The following PCYT1B variants were observed in gnomAD, a reference collection of about 807,000 sequenced individuals.
PCYT1B encodes choline-phosphate cytidylyltransferase B.
A neutral mutation model predicts 26.4 loss-of-function variants in PCYT1B; 10 were observed. The observed-to-expected ratio is 0.38, with a 90% confidence interval of 0.23 to 0.64. The LOEUF is 0.64. Among genes scored for constraint, PCYT1B ranks in the 30% least tolerant of loss-of-function variants. The pLI is 0.56. For missense variants in PCYT1B, 161 were observed against 292.7 expected (o/e 0.55, Z 3.28); for synonymous variants, 131 against 108.4 (o/e 1.21, Z -1.29).
At position 24,561,368 on chromosome X, in the gene PCYT1B, C is replaced by G. The variant is rs1188133279; in HGVS notation, c.*925G>C. 8.9e-6 allele frequency: 1 copy of G among 111,949 alleles called. No individual in the cohort carries two copies. Among genetic ancestry groups the G allele is most frequent in the African/African-American group, 3.3e-5 (1 of 30,648 alleles). The allele number at this position is 111,949 out of a possible 1,213,427, so 9.2% of individuals were successfully genotyped here. On this transcript the variant is annotated 3_prime_UTR_variant, in exon 8 of 8. Transcript: ENST00000379144. ...CCCTATTGGTATACTATGTTTGATACCTCAAACTGTTACTTGAGGTCTATG... is the reference window on the plus strand; with the variant it reads ...CCCTATTGGTATACTATGTTTGATAGCTCAAACTGTTACTTGAGGTCTATG...
chrX:24,668,751 T>C (rs1221600860), intron 1 of PCYT1B, among the ~76,000 whole-genome samples: 1 of 109,845 alleles, frequency 9.1e-6, no homozygotes, highest in Non-Finnish European at 1.9e-5. Flanking sequence ...TGATTTCACA[T>C]AGAATTTCAA....
intron 7 of PCYT1B, among the ~76,000 whole-genome samples, chrX:24,572,260 G>A (rs1228067534): frequency 5.9e-5 from 6 of 101,502 alleles, no homozygotes; most frequent in Non-Finnish European, 9.9e-5. Context: ...ATACACACAC[G>A]CGCGCGCACA....
At chrX:24,593,690 C>G (rs1050065407) in intron 3 of PCYT1B, among the ~76,000 whole-genome samples, 1 of 108,684 alleles carries the variant, frequency 9.2e-6, no homozygotes, top group Middle Eastern at 4.7e-3. Context: ...CCACACCTGG[C>G]TAATTTTTGT....
Position 24,607,764 on chromosome X carries a change from G to A in PCYT1B, c.315C>T (p.Asn105=). The A allele has an allele frequency of 1.7e-6, 2 of 1,175,341 alleles. No homozygotes were observed. Among genetic ancestry groups the A allele is most frequent in the Middle Eastern group, 2.3e-4 (1 of 4,264 alleles). ...ALMQAKTLFP[N]SYLLVGVCSD... is the part of the protein sequence containing the mutation. ...TCTTACCTCCTACCAACAAGTAGCT[G>A]TTGGGAAACAGTGTTTTTGCTTGCA... Residue 105 remains asparagine, a synonymous_variant, in exon 3 of 8, where the codon AAC becomes AAT. Transcript: ENST00000379144.
intron 2 of PCYT1B, among the ~76,000 whole-genome samples, chrX:24,618,163 A>C (rs1356118076): frequency 8.9e-6 from 1 of 112,032 alleles, no homozygotes; most frequent in Non-Finnish European, 1.9e-5. Flanking sequence ...CCTCTGGCAT[A>C]ATGCTAAAGG....
intron 1 of PCYT1B, among the ~76,000 whole-genome samples, chrX:24,624,449 G>A (rs771730074): frequency 2.9e-3 from 330 of 112,147 alleles, no homozygotes; most frequent in African/African-American, 0.01. Context: ...CTGTTGTGAG[G>A]ATTAACTAAA....
At chrX:24,565,704 G>A (rs553229995) in intron 7 of PCYT1B, among the ~76,000 whole-genome samples, 88 of 108,380 alleles carry the variant, frequency 8.1e-4, no homozygotes, top group Middle Eastern at 9.4e-3. Context: ...ACCTTTGGGT[G>A]TCAGCATAAA....
At chrX:24,659,898 T>C (rs1926993958) in intron 1 of PCYT1B, among the ~76,000 whole-genome samples, 1 of 111,927 alleles carries the variant, frequency 8.9e-6, no homozygotes, top group Non-Finnish European at 1.9e-5. Context: ...GGGGATTAAG[T>C]TTCTAACACA....
In PCYT1B at chrX:24,571,077, A is replaced by G. The variant is rs139311585; in HGVS notation, c.897+4053T>C. On this transcript the variant is annotated intron_variant, in intron 7 of 7. Coordinates refer to ENST00000379144, the MANE Select transcript of PCYT1B (RefSeq NM_004845.5). ...TGTAGGCCTTTGTCTATATCTATATATTTATCTATAAAATGTACCTTCCTG... is the reference window on the plus strand; with the variant it reads ...TGTAGGCCTTTGTCTATATCTATATGTTTATCTATAAAATGTACCTTCCTG... 3.5e-4 allele frequency among the ~76,000 whole-genome samples: 39 copies of G among 112,341 alleles called. No individual in the cohort carries two copies. In the East Asian group the frequency reaches 9.9e-3, roughly 28 times the overall value.
At chrX:24,645,548 G>A (rs188248853) in intron 1 of PCYT1B, among the ~76,000 whole-genome samples, 1 of 111,132 alleles carries the variant, frequency 9.0e-6, no homozygotes, top group East Asian at 2.8e-4. Flanking sequence ...GTGTATATAT[G>A]TATATGTGCA....
intron 7 of PCYT1B, among the ~76,000 whole-genome samples, chrX:24,565,678 T>C (rs887858963): frequency 4.6e-5 from 5 of 109,804 alleles, no homozygotes; most frequent in Non-Finnish European, 1.9e-5. Context: ...TCTGATCAGA[T>C]CTGTGTTTTA....
chrX:24,646,592 C>T (rs951930495), intron 1 of PCYT1B, among the ~76,000 whole-genome samples: 1 of 111,021 alleles, frequency 9.0e-6, no homozygotes, highest in East Asian at 2.8e-4. Context: ...AGTTGAGGAA[C>T]GAAGCATTCC....
In PCYT1B at chrX:24,559,872, A is replaced by G. The variant is rs963130581; in HGVS notation, c.*2421T>C. 9.0e-6 allele frequency: 1 copy of G among 111,621 alleles called. No individual in the cohort carries two copies. The highest frequency in any genetic ancestry group is 1.9e-5 in the Non-Finnish European group (1 of 53,132). The allele number at this position is 111,621 out of a possible 1,213,427, so 9.2% of individuals were successfully genotyped here. A position where few individuals can be genotyped will look rare whatever the true frequency, so the allele number is the denominator to read the frequency against. On this transcript the variant is annotated 3_prime_UTR_variant, in exon 8 of 8. Coordinates refer to ENST00000379144, the MANE Select transcript of PCYT1B (RefSeq NM_004845.5). ...TGTAGAATCCTTCCCATTCCTTCTC[A>G]GTAGATTTGCAGCCTCAAGAGGGTG...
At chrX:24,567,027 G>T (rs1923653338) in intron 7 of PCYT1B, among the ~76,000 whole-genome samples, 1 of 112,231 alleles carries the variant, frequency 8.9e-6, no homozygotes, top group African/African-American at 3.2e-5. Flanking sequence ...TAAGGATTTG[G>T]TGGTCTATTA....
rs61761927 is a variant in PCYT1B, at chrX:24,581,184, C to T, written c.566-1726G>A. Among the ~76,000 whole-genome samples the T allele has an allele frequency of 6.7e-3, 749 of 112,114 alleles. 8 individuals carry two copies. Among genetic ancestry groups the T allele is most frequent in the African/African-American group, 0.023 (723 of 30,917 alleles). Reference sequence around the variant, plus strand: ...TGCAAGTCAGAGGTCTGCTCAAAACCCTCCACTGGCTTTCTGCTCTTCTCT... The same window carrying T: ...TGCAAGTCAGAGGTCTGCTCAAAACTCTCCACTGGCTTTCTGCTCTTCTCT... On this transcript the variant is annotated intron_variant, in intron 5 of 7. Coordinates refer to ENST00000379144, the MANE Select transcript of PCYT1B (RefSeq NM_004845.5).
intron 1 of PCYT1B, among the ~76,000 whole-genome samples, chrX:24,627,340 T>C (rs982945416): frequency 1.8e-5 from 2 of 111,667 alleles, no homozygotes; most frequent in African/African-American, 6.5e-5. Flanking sequence ...CGTTTCGTTT[T>C]GTTTCGTTTT....
chrX:24,588,112 C>T (rs1216964010), intron 4 of PCYT1B, among the ~76,000 whole-genome samples: 3 of 111,530 alleles, frequency 2.7e-5, no homozygotes, highest in East Asian at 5.6e-4. Context: ...TGGAATAAGC[C>T]TCTTTTCTCT....
At chrX:24,568,569 A>G (rs934213133) in intron 7 of PCYT1B, among the ~76,000 whole-genome samples, 1 of 110,836 alleles carries the variant, frequency 9.0e-6, no homozygotes, top group African/African-American at 3.3e-5. Context: ...ATAGATTTTA[A>G]AAATGAAGTA....
intron 1 of PCYT1B, among the ~76,000 whole-genome samples, chrX:24,629,779 C>T (rs1219396536): frequency 9.1e-6 from 1 of 109,597 alleles, no homozygotes; most frequent in African/African-American, 3.3e-5. Context: ...CACTTATAAA[C>T]CAAACTCCAT....
Sources: gnomAD v4.1 joint callset for allele counts (sites outside exome capture counted in the v4.1 genomes callset) on GRCh38, gnomAD v4.1.1 for gene constraint, MANE v1.5 for transcripts, NCBI Gene and HGNC (gene_info 2026-07-23, HGNC 2026-07-21) for gene names.